The following PCSK5 variants were observed in gnomAD, a reference collection of about 807,000 sequenced individuals.
The protein encoded by PCSK5 is proprotein convertase subtilisin/kexin type 5.
In PCSK5, 129 loss-of-function variants were observed where a neutral mutation model predicts 233.2. The ratio of observed to expected loss-of-function variants is 0.55; its 90% CI spans 0.48 to 0.64. The LOEUF (loss-of-function observed/expected upper bound fraction) is 0.64. Among genes scored for constraint, PCSK5 ranks in the 30% least tolerant of loss-of-function variants. The pLI, the probability that PCSK5 is intolerant of heterozygous loss-of-function variation, is 0.00. For synonymous variants in PCSK5, 825 were observed against 879.2 expected (o/e 0.94, Z 1.09); for missense variants, 2,076 against 2,430.1 (o/e 0.85, Z 3.06).
chr9:76,239,131 C>G lies in PCSK5; in HGVS notation c.3039C>G (p.Thr1013=). The change falls in exon 23 of 38, where the codon ACC becomes ACG. Residue 1013 remains threonine (T), a synonymous_variant. Transcript: ENST00000674117. Reference sequence around the variant, plus strand: ...TGAAGGGCTACTTCATAGCGCCCACCAACCACACATGCCAGAAGTTAGAGT... The same window carrying G: ...TGAAGGGCTACTTCATAGCGCCCACGAACCACACATGCCAGAAGTTAGAGT... ...RCMKGYFIAP[T]NHTCQKLECG... is the part of the protein sequence containing the mutation. 6.3e-7 allele frequency: 1 copy of G among 1,595,484 alleles called. No individual in the cohort carries two copies. The highest frequency in any genetic ancestry group is 1.1e-5 in the South Asian group (1 of 88,150).
chr9:75,965,139 G>C (rs1399237565), intron 2 of PCSK5, among the ~76,000 whole-genome samples: 1 of 152,200 alleles, frequency 6.6e-6, no homozygotes, highest in Non-Finnish European at 1.5e-5. Flanking sequence ...GGACACAAGA[G>C]GCAGCCAAGT....
chr9:76,239,276 G>T, intron 23 of PCSK5, 111 bp downstream of exon 23: 1 of 871,862 alleles, frequency 1.1e-6, no homozygotes. Context: ...CAGCACTTGG[G>T]ATGATTTTGG....
chr9:76,259,853 A>T (rs1353342), intron 24 of PCSK5, among the ~76,000 whole-genome samples: 2 of 151,872 alleles, frequency 1.3e-5, no homozygotes. Flanking sequence ...GTTTCAACCC[A>T]GTCTATGGGT....
At chr9:76,256,117 G>T (rs2131351786) in intron 24 of PCSK5, among the ~76,000 whole-genome samples, 1 of 152,302 alleles carries the variant, frequency 6.6e-6, no homozygotes, top group African/African-American at 2.4e-5. Context: ...TTCCTTAGTT[G>T]TGTCTCCTGA....
chr9:76,230,821 G>C (rs1041559354), intron 21 of PCSK5, among the ~76,000 whole-genome samples: 1 of 152,012 alleles, frequency 6.6e-6, no homozygotes, highest in Non-Finnish European at 1.5e-5. Flanking sequence ...GTCATCCCCA[G>C]ATGAGACCAT....
At chr9:75,898,195 G>C (rs1303180434) in intron 1 of PCSK5, among the ~76,000 whole-genome samples, 1 of 152,160 alleles carries the variant, frequency 6.6e-6, no homozygotes, top group African/African-American at 2.4e-5. Context: ...GATCCAGACA[G>C]AGGTGTATGT....
At chr9:75,911,495 G>A (rs1461671860) in intron 1 of PCSK5, among the ~76,000 whole-genome samples, 1 of 152,144 alleles carries the variant, frequency 6.6e-6, no homozygotes, top group African/African-American at 2.4e-5. Flanking sequence ...ATGCAGCAGT[G>A]CATAATGATC....
intron 17 of PCSK5, 78 bp from the exon 18 acceptor site, chr9:76,188,500 C>G: frequency 1.2e-6 from 1 of 868,566 alleles, no homozygotes; most frequent in Non-Finnish European, 1.9e-6. Flanking sequence ...GTATCTGTTA[C>G]ATATGGAGTT....
At chr9:75,929,270 A>C (rs1160101009) in intron 1 of PCSK5, among the ~76,000 whole-genome samples, 1 of 152,136 alleles carries the variant, frequency 6.6e-6, no homozygotes, top group Non-Finnish European at 1.5e-5. Flanking sequence ...AGCAGTCTTT[A>C]ATGAGATTCT....
At chr9:76,354,368 C>G (rs1587372156) in intron 37 of PCSK5, 149 bp downstream of exon 37, 3 of 619,976 alleles carry the variant, frequency 4.8e-6, no homozygotes, top group Non-Finnish European at 8.5e-6. Context: ...GTACTTGAAA[C>G]TTCATGACCA....
intron 3 of PCSK5, among the ~76,000 whole-genome samples, chr9:76,012,149 A>G (rs1159532959): frequency 6.6e-6 from 1 of 152,226 alleles, no homozygotes. Flanking sequence ...GCAAATGAAT[A>G]CATGTTTCGA....
chr9:76,040,357 CTCTCTCTCTCTCTCTCTCTCTCTCTCTG>C (rs1563988525), intron 5 of PCSK5, among the ~76,000 whole-genome samples: 1,166 of 62,918 alleles, frequency 0.019, 90 homozygotes, highest in South Asian at 0.047. Context: ...CTCTCTCTCT[CTCTCTCTCTCTCTCTCTCTCTCTCTCTG>C]TCTCTCTCTC....
chr9:76,355,077 C>A (rs1000605340), intron 37 of PCSK5, among the ~76,000 whole-genome samples: 1 of 152,118 alleles, frequency 6.6e-6, no homozygotes, highest in Non-Finnish European at 1.5e-5. Flanking sequence ...TTACCAATTT[C>A]CAGTCCCTCA....
chr9:76,244,444 G>A (rs977421872), intron 24 of PCSK5, among the ~76,000 whole-genome samples: 6 of 151,880 alleles, frequency 4.0e-5, no homozygotes, highest in South Asian at 2.1e-4. Context: ...TTTTAATAAT[G>A]TAGATTCACC....
chr9:76,129,816 C>A (rs1822685217), intron 9 of PCSK5, among the ~76,000 whole-genome samples: 2 of 152,032 alleles, frequency 1.3e-5, no homozygotes, highest in South Asian at 4.1e-4. Flanking sequence ...TTCTTCTAAA[C>A]CTTGTGTTGG....
At chr9:75,995,556 C>T (rs541184982) in intron 3 of PCSK5, among the ~76,000 whole-genome samples, 1 of 152,022 alleles carries the variant, frequency 6.6e-6, no homozygotes, top group Non-Finnish European at 1.5e-5. Flanking sequence ...TTTCTGATAT[C>T]TTGAATTGGG....
intron 27 of PCSK5, 38 bp from the exon 28 acceptor site, chr9:76,302,099 T>TAA (rs11451259): frequency 0.051 from 39,953 of 783,576 alleles, no homozygotes; most frequent in East Asian, 0.093. Flanking sequence ...CTTTTTGCAT[T>TAA]AAAAAAAAAC....
chr9:75,974,228 C>T (rs565933617), intron 2 of PCSK5, among the ~76,000 whole-genome samples: 2 of 152,114 alleles, frequency 1.3e-5, no homozygotes, highest in African/African-American at 2.4e-5. Flanking sequence ...GCTGGGGCAC[C>T]GCTCGCCTTC....
At chr9:75,913,229 T>C (rs1420787419) in intron 1 of PCSK5, among the ~76,000 whole-genome samples, 1 of 152,240 alleles carries the variant, frequency 6.6e-6, no homozygotes, top group Non-Finnish European at 1.5e-5. Context: ...GAGTCCACTC[T>C]CGCTCCACTC....
Sources: gnomAD v4.1 joint callset for allele counts (sites outside exome capture counted in the v4.1 genomes callset) on GRCh38, gnomAD v4.1.1 for gene constraint, MANE v1.5 for transcripts, NCBI Gene and HGNC (gene_info 2026-07-23, HGNC 2026-07-21) for gene names.